The following EYS variants were observed in gnomAD, a reference collection of about 807,000 sequenced individuals.
EYS encodes the protein EGF-like photoreceptor maintenance factor, also known as protein eyes shut homolog.
Under a neutral mutation model 282.1 loss-of-function variants are expected in EYS, and 250 were observed. The ratio of observed to expected loss-of-function variants is 0.89; its 90% CI spans 0.80 to 0.98. The LOEUF (loss-of-function observed/expected upper bound fraction) is 0.98. Ranked by LOEUF, EYS falls within the 50% of genes least tolerant of loss-of-function variation. The pLI is 0.00. For missense variants in EYS, 4,016 were observed against 3,709.0 expected, an observed-to-expected ratio of 1.08 and a Z score of -2.15; for synonymous variants, 1,355 against 1,282.9, an observed-to-expected ratio of 1.06 and a Z score of -1.20.
intron 33 of EYS, among the ~76,000 whole-genome samples, chr6:64,002,279 A>G (rs186194807): frequency 3.3e-5 from 5 of 152,226 alleles, no homozygotes; most frequent in African/African-American, 4.8e-5. Context: ...TCTTGCTGAG[A>G]GCCACCTCCA....
intron 12 of EYS, among the ~76,000 whole-genome samples, chr6:65,145,446 A>G (rs1431205384): frequency 6.6e-6 from 1 of 151,998 alleles, no homozygotes; most frequent in African/African-American, 2.4e-5. Context: ...TCTAAAAGAC[A>G]TATAGATGGT....
At chr6:65,502,447 G>T (rs60061479) in intron 2 of EYS, among the ~76,000 whole-genome samples, 1,620 of 151,698 alleles carry the variant, frequency 0.011, 27 homozygotes, top group African/African-American at 0.037. Flanking sequence ...AGAGAGTGCC[G>T]AATGTTCTCA....
At chr6:64,309,171 A>C (rs1258212108) in intron 29 of EYS, among the ~76,000 whole-genome samples, 2 of 152,274 alleles carry the variant, frequency 1.3e-5, no homozygotes, top group South Asian at 2.1e-4. Context: ...ATTGCAGTAC[A>C]TATTTTTCTC....
chr6:65,510,261 G>A (rs1441203603), intron 2 of EYS, among the ~76,000 whole-genome samples: 1 of 143,566 alleles, frequency 7.0e-6, no homozygotes, highest in East Asian at 2.1e-4. Context: ...TATGGGAATT[G>A]CGGTGTTTGG....
At chr6:65,186,741 G>A (rs1765526006) in intron 12 of EYS, among the ~76,000 whole-genome samples, 3 of 151,716 alleles carry the variant, frequency 2.0e-5, no homozygotes, top group Non-Finnish European at 3.0e-5. Flanking sequence ...CGCCTCTTAG[G>A]TTAAGGTGGC....
chr6:65,142,517 CACAG>C (rs1764373056), intron 12 of EYS, among the ~76,000 whole-genome samples: 1 of 150,482 alleles, frequency 6.6e-6, no homozygotes, highest in Non-Finnish European at 1.5e-5. Context: ...CACACACACA[CACAG>C]AGTTCCAATA....
chr6:65,089,271 C>T (rs1188537394), intron 12 of EYS, among the ~76,000 whole-genome samples: 1 of 152,132 alleles, frequency 6.6e-6, no homozygotes, highest in African/African-American at 2.4e-5. Flanking sequence ...AAGCTGCAAA[C>T]ACTCAACATC....
At position 65,465,708 on chromosome 6, in the gene EYS, G is replaced by A. The variant is rs114706529; in HGVS notation, c.862+24886C>T. 8.2e-3 allele frequency among the ~76,000 whole-genome samples: 1,242 copies of A among 152,162 alleles called. 18 individuals carry two copies. The highest frequency in any genetic ancestry group is 0.038 in the South Asian group (185 of 4,818). ...AAACAAAATCAGGCCACGCATGGTC[G>A]CTTATTCCCACTCTTGTAACTGCAG... On this transcript the variant is annotated intron_variant, in intron 5 of 42. Transcript: ENST00000503581.
intron 11 of EYS, chr6:65,332,380 G>T: frequency 2.9e-6 from 3 of 1,039,996 alleles, no homozygotes; most frequent in Non-Finnish European, 4.4e-6. Context: ...TCTATATGTT[G>T]CTGAATTTGG....
At chr6:63,947,627 C>T (rs1366530883) in intron 35 of EYS, among the ~76,000 whole-genome samples, 1 of 152,118 alleles carries the variant, frequency 6.6e-6, no homozygotes, top group African/African-American at 2.4e-5. Flanking sequence ...AAGCACTAAG[C>T]TCTTGCCTTT....
chr6:65,662,017 G>A (rs891705851), intron 1 of EYS, among the ~76,000 whole-genome samples: 8 of 152,070 alleles, frequency 5.3e-5, no homozygotes, highest in African/African-American at 1.9e-4. Flanking sequence ...AGATTAGACA[G>A]TAGGGAAGAA....
intron 14 of EYS, among the ~76,000 whole-genome samples, chr6:64,982,687 AC>A (rs1770718123): frequency 6.6e-6 from 1 of 151,190 alleles, no homozygotes; most frequent in South Asian, 2.1e-4. Flanking sequence ...CTTTTAAAAC[AC>A]TTAATTGTAT....
intron 26 of EYS, among the ~76,000 whole-genome samples, chr6:64,444,447 T>C (rs990266258): frequency 2.0e-5 from 3 of 152,152 alleles, no homozygotes; most frequent in African/African-American, 7.2e-5. Context: ...TGCCTGACAA[T>C]AAAAAACTCA....
chr6:64,969,087 C>G (rs995347478), intron 14 of EYS, among the ~76,000 whole-genome samples: 2 of 150,576 alleles, frequency 1.3e-5, no homozygotes, highest in South Asian at 4.2e-4. Flanking sequence ...CAACTCCTTG[C>G]GTGAAAAAAA....
chr6:64,806,519 A>G (rs897693930), intron 22 of EYS, among the ~76,000 whole-genome samples: 1 of 152,082 alleles, frequency 6.6e-6, no homozygotes, highest in African/African-American at 2.4e-5. Context: ...TTTTCCTGCA[A>G]TCTTTTTAAA....
chr6:65,215,509 T>C (rs778078583), intron 12 of EYS, among the ~76,000 whole-genome samples: 4 of 152,338 alleles, frequency 2.6e-5, no homozygotes, highest in Non-Finnish European at 4.4e-5. Flanking sequence ...AGATGGAATG[T>C]ACTTCTTGTG....
chr6:65,243,269 A>C (rs952092078), intron 12 of EYS, among the ~76,000 whole-genome samples: 1 of 152,110 alleles, frequency 6.6e-6, no homozygotes, highest in Non-Finnish European at 1.5e-5. Flanking sequence ...CAAATGTCAC[A>C]ATAAAGTTAG....
intron 16 of EYS, among the ~76,000 whole-genome samples, chr6:64,904,254 A>G (rs1049424829): frequency 6.6e-6 from 1 of 152,114 alleles, no homozygotes; most frequent in Non-Finnish European, 1.5e-5. Flanking sequence ...AATTTGCCTT[A>G]TTTTTCTTAC....
chr6:65,367,819 G>A (rs1386964207), intron 8 of EYS, among the ~76,000 whole-genome samples: 2 of 151,794 alleles, frequency 1.3e-5, no homozygotes, highest in East Asian at 3.9e-4. Context: ...AAAACATGTG[G>A]ATTTATAAAG....
Sources: gnomAD v4.1 joint callset for allele counts (sites outside exome capture counted in the v4.1 genomes callset) on GRCh38, gnomAD v4.1.1 for gene constraint, MANE v1.5 for transcripts, NCBI Gene and HGNC (gene_info 2026-07-23, HGNC 2026-07-21) for gene names.